Variants in PAX2 observed in about 807,000 individuals in gnomAD.
PAX2 encodes the protein paired box 2.
Under a neutral mutation model 41.7 loss-of-function variants are expected in PAX2, and 9 were observed. The observed-to-expected ratio is 0.22, with a 90% CI of 0.13 to 0.38. PAX2 has a LOEUF of 0.38. Ranked by LOEUF, PAX2 falls within the 10% of genes least tolerant of loss-of-function variation. The probability of loss-of-function intolerance (pLI) is 1.00; values close to 1 mark genes in which losing one functional copy is unlikely to be tolerated. For missense variants in PAX2, 418 were observed against 531.6 expected (o/e 0.79, Z 2.10); for synonymous variants, 221 against 212.7 (o/e 1.04, Z -0.34).
At chr10:100,756,237 T>C (rs552573796) in intron 3 of PAX2, among the ~76,000 whole-genome samples, 41 of 151,978 alleles carry the variant, frequency 2.7e-4, no homozygotes, top group African/African-American at 9.6e-4. Context: ...ATAGGGGTCC[T>C]GCTTCCCAGT....
At chr10:100,803,542 C>A (rs1042336313) in intron 5 of PAX2, among the ~76,000 whole-genome samples, 30 of 151,984 alleles carry the variant, frequency 2.0e-4, no homozygotes, top group Non-Finnish European at 4.4e-5. Flanking sequence ...ATGCCACTGC[C>A]CTCTCCTGGG....
At position 100,809,185 on chromosome 10, in the gene PAX2, C is replaced by A; in HGVS notation, c.868C>A (p.Pro290Thr). 2 of 1,613,942 alleles carry A rather than the reference C, an allele frequency of 1.2e-6. No homozygotes were observed. The highest frequency in any genetic ancestry group is 1.1e-5 in the South Asian group (1 of 91,070). ...VKSSLSASTNPELGSNVSGTQ... is the reference protein window; with the variant it reads ...VKSSLSASTNTELGSNVSGTQ... Reference sequence around the variant, plus strand: ...GTCGAGTCTATCTGCATCCACCAACCCTGAGCTGGGCAGCAACGTGTCAGG... The same window carrying A: ...GTCGAGTCTATCTGCATCCACCAACACTGAGCTGGGCAGCAACGTGTCAGG... Residue 290 changes from proline to threonine, a missense_variant, in exon 7 of 10, where the codon CCT becomes ACT. Pro to Thr is a conservative substitution (Grantham distance 38, BLOSUM62 -1). Transcript: ENST00000355243.
chr10:100,792,453 G>C (rs1039941343), intron 5 of PAX2, among the ~76,000 whole-genome samples: 5 of 152,194 alleles, frequency 3.3e-5, no homozygotes, highest in Admixed American at 6.5e-5. Flanking sequence ...ACCTCAGCTG[G>C]GGACAGACAG....
At chr10:100,760,088 G>A (rs1845782272) in intron 3 of PAX2, among the ~76,000 whole-genome samples, 1 of 152,176 alleles carries the variant, frequency 6.6e-6, no homozygotes. Flanking sequence ...TTTCCCAAGA[G>A]AAGTTGGTGA....
At chr10:100,813,851 A>G (rs1354575727) in intron 7 of PAX2, among the ~76,000 whole-genome samples, 1 of 152,208 alleles carries the variant, frequency 6.6e-6, no homozygotes, top group Admixed American at 6.5e-5. Flanking sequence ...TCCAGGGCAC[A>G]TGGGACTCCC....
chr10:100,742,403 C>G (rs1844990429), upstream of PAX2, among the ~76,000 whole-genome samples: 1 of 151,434 alleles, frequency 6.6e-6, no homozygotes, highest in African/African-American at 2.4e-5. Flanking sequence ...AGAGCAGGCG[C>G]GGCCCAGCCA....
At chr10:100,758,722 C>A (rs961879985) in intron 3 of PAX2, among the ~76,000 whole-genome samples, 2 of 152,178 alleles carry the variant, frequency 1.3e-5, no homozygotes, top group Non-Finnish European at 2.9e-5. Flanking sequence ...TCTCTGCTGA[C>A]CGAATAAAAC....
intron 1 of PAX2, among the ~76,000 whole-genome samples, chr10:100,736,064 T>C (rs544168146): frequency 6.6e-5 from 10 of 152,302 alleles, no homozygotes; most frequent in African/African-American, 2.4e-4. Context: ...TTCCTCCAAG[T>C]TGGGAGCATT....
chr10:100,782,721 C>G (rs1015373709), intron 5 of PAX2, among the ~76,000 whole-genome samples: 2 of 152,288 alleles, frequency 1.3e-5, no homozygotes, highest in Non-Finnish European at 2.9e-5. Context: ...ATTTGGCCGC[C>G]ACGGCCTTTG....
chr10:100,735,409 G>A (rs1191709937), exon 1 of PAX2, among the ~76,000 whole-genome samples: 2 of 152,244 alleles, frequency 1.3e-5, no homozygotes, highest in East Asian at 3.9e-4. Flanking sequence ...CAGCGAGGGT[G>A]GCTGCTTGCC....
At chr10:100,778,551 C>T (rs2133892047) in intron 3 of PAX2, among the ~76,000 whole-genome samples, 2 of 152,288 alleles carry the variant, frequency 1.3e-5, no homozygotes, top group Admixed American at 1.3e-4. Flanking sequence ...GGCTCACATG[C>T]CTCTCTGTGG....
intron 5 of PAX2, among the ~76,000 whole-genome samples, chr10:100,793,845 G>A (rs1847226725): frequency 6.6e-6 from 1 of 152,178 alleles, no homozygotes; most frequent in Non-Finnish European, 1.5e-5. Context: ...TGTGTTGGGA[G>A]GTATGAGAGG....
At chr10:100,819,804 A>G (rs1416446718) in intron 7 of PAX2, among the ~76,000 whole-genome samples, 2 of 152,224 alleles carry the variant, frequency 1.3e-5, no homozygotes, top group African/African-American at 4.8e-5. Flanking sequence ...CTTTCTTAAT[A>G]AAGTCTTTCA....
At chr10:100,794,847 C>T (rs1847264878) in intron 5 of PAX2, among the ~76,000 whole-genome samples, 2 of 112,518 alleles carry the variant, frequency 1.8e-5, no homozygotes, top group South Asian at 7.5e-4. Context: ...CCCCATTCTG[C>T]ACTTGTGTAA....
At chr10:100,812,440 A>T (rs549092744) in intron 7 of PAX2, among the ~76,000 whole-genome samples, 1 of 152,308 alleles carries the variant, frequency 6.6e-6, no homozygotes, top group South Asian at 2.1e-4. Context: ...GGTCACGGGC[A>T]TTCTGGCCCC....
chr10:100,813,619 G>A (rs1024712812), intron 7 of PAX2, among the ~76,000 whole-genome samples: 4 of 152,148 alleles, frequency 2.6e-5, no homozygotes, highest in African/African-American at 4.8e-5. Context: ...ACATACACTC[G>A]TCTGAGTAGC....
Position 100,827,545 on chromosome 10 carries a change from T to C in PAX2, c.1111T>C (p.Ser371Pro), listed in dbSNP as rs1165835094. The C allele has an allele frequency of 4.3e-6, 7 of 1,613,652 alleles. No individual in the cohort carries two copies. The highest frequency in any genetic ancestry group is 5.9e-6 in the Non-Finnish European group (7 of 1,179,682). The change falls in exon 10 of 10, where the codon TCC (serine) becomes CCC (proline). Residue 371 changes from serine (S) to proline (P), a missense_variant and splice_region_variant. By Grantham distance (74) the Ser-to-Pro change is moderately conservative. Coordinates refer to ENST00000355243, the MANE Select transcript of PAX2 (RefSeq NM_000278.5). The surrounding 1 kb of genome is among the most constrained non-coding windows in gnomAD (Gnocchi z 8.5). ...WRFSNPALLS[S>P]PYYYSAAPRG... The stretch of plus-strand genomic sequence containing the variant: ...TCTTCTCCTGTGTTAACTTCCAGGT[T>C]CCCCTTATTATTATAGTGCCGCCCC...
chr10:100,773,353 G>T (rs1490394910), intron 3 of PAX2, among the ~76,000 whole-genome samples: 1 of 152,132 alleles, frequency 6.6e-6, no homozygotes, highest in African/African-American at 2.4e-5. Context: ...TCCAGTAAAT[G>T]CTGCCACCTC....
intron 3 of PAX2, among the ~76,000 whole-genome samples, chr10:100,770,799 A>G (rs559327756): frequency 6.6e-6 from 1 of 152,378 alleles, no homozygotes; most frequent in Non-Finnish European, 1.5e-5. Context: ...TTGTTTCCAC[A>G]GAGCAACTGA....
Sources: allele counts gnomAD v4.1 joint callset (sites outside exome capture counted in the v4.1 genomes callset), GRCh38; gene constraint gnomAD v4.1.1; non-coding constraint Gnocchi (gnomAD v3.1); transcripts MANE v1.5; gene names NCBI Gene and HGNC (gene_info 2026-07-23, HGNC 2026-07-21).